WDR62: variants seen among roughly 807,000 people sequenced by gnomAD.
WDR62 encodes WD repeat domain 62.
Under a neutral mutation model 160.6 loss-of-function variants are expected in WDR62, and 112 were observed. The observed-to-expected ratio is 0.70, with a 90% CI of 0.60 to 0.82. The LOEUF (loss-of-function observed/expected upper bound fraction) is 0.82. WDR62 is among the 40% of genes least tolerant of loss of function. The probability of loss-of-function intolerance (pLI) is 0.00; values close to 1 mark genes in which losing one functional copy is unlikely to be tolerated. For synonymous variants in WDR62, 792 were observed against 815.1 expected (o/e 0.97, Z 0.48); for missense variants, 1,819 against 1,983.8 (o/e 0.92, Z 1.58).
rs771234917 is a variant in WDR62, at chr19:36,102,143, C to T, written c.3212C>T (p.Pro1071Leu). The change falls in exon 26 of 32, where the codon CCC becomes CTC. Residue 1071 changes from proline (P) to leucine (L), a missense_variant. Around this residue, in one of 3 missense-constraint regions of WDR62, gnomAD observed 770 missense variants for 734.2 expected, o/e 1.05. Coordinates refer to ENST00000401500, the MANE Select transcript of WDR62 (RefSeq NM_001083961.2). ...RHHFETLTES[P>L]CRELFPAALG... ...CACTTTGAGACACTGACTGAGTCCC[C>T]CTGCAGAGGTAGGGCCCTGCCTCAC... 13 of 1,613,890 alleles carry T rather than the reference C, an allele frequency of 8.1e-6. No homozygotes were observed. The highest frequency in any genetic ancestry group is 1.3e-5 in the African/African-American group (1 of 74,950).
Position 36,103,212 on chromosome 19 carries a change from G to A in WDR62, c.3514+5G>A. On this transcript the variant is annotated splice_donor_5th_base_variant and intron_variant, in intron 29 of 31. Coordinates refer to ENST00000401500, the MANE Select transcript of WDR62 (RefSeq NM_001083961.2). ...TGGAGGCCTGGCGCCCACCACGTGAGTGCCCCAGTCCCAGACGGACAGTCC... is the reference window on the plus strand; with the variant it reads ...TGGAGGCCTGGCGCCCACCACGTGAATGCCCCAGTCCCAGACGGACAGTCC... 3 of 1,613,630 alleles carry A rather than the reference G, an allele frequency of 1.9e-6. No homozygotes were observed. The highest frequency in any genetic ancestry group is 1.6e-4 in the Middle Eastern group (1 of 6,062).
downstream of WDR62, among the ~76,000 whole-genome samples, chr19:36,106,014 TAAATAAAACA>T (rs898506926): frequency 5.3e-5 from 8 of 152,154 alleles, no homozygotes; most frequent in South Asian, 2.1e-4. Flanking sequence ...CCCGTCTCTT[TAAATAAAACA>T]AAATAAAACA....
At chr19:36,104,287 A>AG (rs1973597695) in intron 30 of WDR62, among the ~76,000 whole-genome samples, 1 of 152,074 alleles carries the variant, frequency 6.6e-6, no homozygotes, top group South Asian at 2.1e-4. Flanking sequence ...GAGGAGGGCG[A>AG]GGGAGTGCAG....
At chr19:36,101,799 G>A (rs113395978) in intron 25 of WDR62, 25 bp downstream of exon 25, 1 of 1,542,226 alleles carries the variant, frequency 6.5e-7, no homozygotes, top group African/African-American at 1.4e-5. Context: ...GACACGCAGG[G>A]GACTCGCTGC....
chr19:36,104,261 A>G (rs1377838401), intron 30 of WDR62, among the ~76,000 whole-genome samples: 1 of 152,204 alleles, frequency 6.6e-6, no homozygotes, highest in East Asian at 1.9e-4. Context: ...GAAGTGACAC[A>G]TGCTTAGGAG....
chr19:36,084,697 C>T lies in WDR62; in HGVS notation c.1595C>T (p.Ala532Val). Residue 532 changes from alanine (A) to valine (V), a missense_variant, in exon 12 of 32, where the codon GCC (alanine) becomes GTC (valine). Ala to Val is a moderately conservative substitution (Grantham distance 64). This residue lies in a region of WDR62 where 934 missense variants were observed against 1,157.2 expected (regional missense o/e 0.81). Coordinates refer to ENST00000401500, the MANE Select transcript of WDR62 (RefSeq NM_001083961.2). ...ATGGACGAGCTGGTCAAGGTGGAGG[C>T]CCATGATGCTGAGGTGCTGTGCCTG... is the stretch of plus-strand genomic sequence containing the variant. ...HFMDELVKVEAHDAEVLCLEY... is the reference protein window; with the variant it reads ...HFMDELVKVEVHDAEVLCLEY... 6.2e-7 allele frequency: 1 copy of T among 1,613,824 alleles called. No homozygotes were observed. The highest frequency in any genetic ancestry group is 8.5e-7 in the Non-Finnish European group (1 of 1,179,992).
At chr19:36,094,556 A>AAAT (rs146886399) in intron 20 of WDR62, among the ~76,000 whole-genome samples, 14,245 of 148,774 alleles carry the variant, frequency 0.096, 763 homozygotes, top group African/African-American at 0.14. Context: ...TCCGTCTCAA[A>AAAT]AATAATAATA....
In WDR62 at chr19:36,103,440, C is replaced by T. The variant is rs139946168; in HGVS notation, c.3612C>T (p.Gly1204=). ...LPTPTSAPTP[G]LAQGVHAPST... is the part of the protein sequence containing the mutation. ...CGCCCACATCTGCACCCACCCCAGG[C>T]CTGGCTCAGGGTGTCCATGCCCCCT... Residue 1204 remains glycine, a synonymous_variant, in exon 30 of 32, where the codon GGC becomes GGT. Transcript: ENST00000401500. 8.4e-4 allele frequency: 1,351 copies of T among 1,614,132 alleles called. 3 individuals carry two copies. The highest frequency in any genetic ancestry group is 7.8e-3 in the Middle Eastern group (47 of 6,060).
At chr19:36,064,796 G>T (rs968486576) in intron 3 of WDR62, among the ~76,000 whole-genome samples, 1 of 151,782 alleles carries the variant, frequency 6.6e-6, no homozygotes, top group South Asian at 2.1e-4. Flanking sequence ...CAGGCTGTTC[G>T]CGAATTCCTG....
chr19:36,104,957 C>A lies in WDR62; in HGVS notation c.4501C>A (p.Leu1501Met), dbSNP rs1204833868. Residue 1501 changes from leucine (L) to methionine (M), a missense_variant, in exon 32 of 32, where the codon CTG becomes ATG. Leu to Met is a conservative substitution (Grantham distance 15). Around this residue, in one of 3 missense-constraint regions of WDR62, gnomAD observed 770 missense variants for 734.2 expected, o/e 1.05. Transcript: ENST00000401500. ...PTLYPLASPD[L>M]QALLEHYSEL... is the part of the protein sequence containing the mutation. ...GCTGTACCCCCTGGCCAGCCCAGAC[C>A]TGCAGGCCCTGCTGGAACACTACTC... 1 of 1,606,492 alleles carries A rather than the reference C, an allele frequency of 6.2e-7. No individual in the cohort carries two copies. Among genetic ancestry groups the A allele is most frequent in the East Asian group, 2.2e-5 (1 of 44,720 alleles).
chr19:36,086,673 C>T lies in WDR62; in HGVS notation c.1643-14C>T, dbSNP rs969793313. 2.5e-6 allele frequency: 4 copies of T among 1,594,134 alleles called. No homozygotes were observed. In the Admixed American group the frequency reaches 6.9e-5, roughly 28 times the overall value. The stretch of plus-strand genomic sequence containing the variant: ...GCAGCCTTCAGGAACCAGTCTCATT[C>T]TCTCCTCTCACAGGGCTGACCTTGC... On this transcript the variant is annotated splice_polypyrimidine_tract_variant and intron_variant, in intron 12 of 31. Coordinates refer to ENST00000401500, the MANE Select transcript of WDR62 (RefSeq NM_001083961.2).
At chr19:36,110,295 ACT>A in the WDR62 span, among the ~76,000 whole-genome samples, 1 of 151,960 alleles carries the variant, frequency 6.6e-6, no homozygotes, top group Admixed American at 6.6e-5. Context: ...ACATGGTGAA[ACT>A]CTGTCTCTAC....
intron 2 of WDR62, 124 bp from the exon 3 acceptor site, chr19:36,059,844 G>T: frequency 3.1e-6 from 3 of 954,742 alleles, no homozygotes; most frequent in South Asian, 1.3e-5. Context: ...AGGAGGGGGA[G>T]GAGGAGGAGA....
intron 20 of WDR62, among the ~76,000 whole-genome samples, chr19:36,096,539 A>C (rs999944375): frequency 6.6e-6 from 1 of 151,850 alleles, no homozygotes. Context: ...CCCCGTCTCT[A>C]CTAAAAATAC....
rs1973671414 is a variant in WDR62, at chr19:36,105,028, A to C, written c.4572A>C (p.Ter1524CysextTer15). ...QAVRRKARGH* is the reference protein window; with the variant it reads ...QAVRRKARGHC ...TGCGGAGGAAGGCACGGGGGCACTGAGGGCGCAGCCCCTCCACCGCAGCCC... is the reference window on the plus strand; with the variant it reads ...TGCGGAGGAAGGCACGGGGGCACTGCGGGCGCAGCCCCTCCACCGCAGCCC... Residue 1524 changes from the stop codon to cysteine (C), a stop_lost, in exon 32 of 32, where the codon TGA (stop) becomes TGC (cysteine). Coordinates refer to ENST00000401500, the MANE Select transcript of WDR62 (RefSeq NM_001083961.2). 3.1e-6 allele frequency: 5 copies of C among 1,596,592 alleles called. No individual in the cohort carries two copies. The highest frequency in any genetic ancestry group is 4.2e-6 in the Non-Finnish European group (5 of 1,176,986).
chr19:36,101,379 G>A, intron 24 of WDR62, 62 bp downstream of exon 24: 6 of 1,411,544 alleles, frequency 4.3e-6, no homozygotes, highest in South Asian at 1.2e-5. Context: ...CCCCTTTCTG[G>A]GCACCGATGG....
rs1568369790 is a variant in WDR62 at position 36,102,717 on chromosome 19, C to CCCTCGGGATCTT, written c.3221-17_3221-6dup. ...CTCGGCGGGAAGGGTTATGAGGGTC[C>CCCTCGGGATCTT]CCTCGGGATCTTCCCCTAGAGCTCT... On this transcript the variant is annotated intron_variant, in intron 26 of 31. Transcript: ENST00000401500. 1 of 1,611,132 alleles carries CCCTCGGGATCTT rather than the reference C, an allele frequency of 6.2e-7. No homozygotes were observed. The highest frequency in any genetic ancestry group is 1.7e-5 in the Admixed American group (1 of 60,018).
Position 36,102,826 on chromosome 19 carries a change from C to T in WDR62, c.3310C>T (p.Leu1104Phe). 2 of 1,614,238 alleles carry T rather than the reference C, an allele frequency of 1.2e-6. No individual in the cohort carries two copies. Among genetic ancestry groups the T allele is most frequent in the Non-Finnish European group, 1.7e-6 (2 of 1,180,034 alleles). The stretch of plus-strand genomic sequence containing the variant: ...ACGCCTGAGTATCTCCACGCAGTTC[C>T]TCTCAAGCCTCCAGAAGGCATCCAG... ...NPRLSISTQF[L>F]SSLQKASRFT... The change falls in exon 27 of 32, where the codon CTC (leucine) becomes TTC (phenylalanine). Residue 1104 changes from leucine (L) to phenylalanine (F), a missense_variant. Coordinates refer to ENST00000401500, the MANE Select transcript of WDR62 (RefSeq NM_001083961.2).
At chr19:36,109,548 A>C (rs896582927), downstream of WDR62, among the ~76,000 whole-genome samples, 5 of 151,748 alleles carry the variant, frequency 3.3e-5, no homozygotes, top group Non-Finnish European at 7.4e-5. Context: ...AGCCTGCCCA[A>C]CATGGTGAAA....
Sources: gnomAD v4.1 joint callset for allele counts (sites outside exome capture counted in the v4.1 genomes callset) on GRCh38, gnomAD v4.1.1 for gene constraint, gnomAD v4.1.1 regional missense constraint, MANE v1.5 for transcripts, NCBI Gene and HGNC (gene_info 2026-07-23, HGNC 2026-07-21) for gene names.